The following CDH13 variants were observed in gnomAD, a reference collection of about 807,000 sequenced individuals.
CDH13 encodes cadherin-13.
A neutral mutation model predicts 63.8 loss-of-function variants in CDH13; 24 were observed. The ratio of observed to expected loss-of-function variants is 0.38; its 90% CI spans 0.27 to 0.53. The LOEUF (loss-of-function observed/expected upper bound fraction) is 0.53. Ranked by LOEUF, CDH13 falls within the 20% of genes least tolerant of loss-of-function variation. The pLI is 0.85. For missense variants in CDH13, 1,049 were observed against 903.1 expected (o/e 1.16, Z -2.07); for synonymous variants, 503 against 355.3 (o/e 1.42, Z -4.67).
chr16:82,928,097 A>G (rs948881373), intron 2 of CDH13, among the ~76,000 whole-genome samples: 4 of 152,148 alleles, frequency 2.6e-5, no homozygotes, highest in Admixed American at 2.0e-4. Context: ...TTTCAGAACT[A>G]TGATCATACC....
intron 1 of CDH13, among the ~76,000 whole-genome samples, chr16:82,664,283 G>C (rs1029279504): frequency 6.6e-6 from 1 of 152,226 alleles, no homozygotes; most frequent in Non-Finnish European, 1.5e-5. Context: ...GGAGTAGGAG[G>C]GTTGTTGGAA....
At chr16:83,542,705 G>A (rs1020398349) in intron 7 of CDH13, among the ~76,000 whole-genome samples, 1 of 152,162 alleles carries the variant, frequency 6.6e-6, no homozygotes, top group African/African-American at 2.4e-5. Context: ...TTGGCTTGCA[G>A]AAGCATCCAC....
chr16:83,624,845 C>T (rs1910139006), intron 8 of CDH13, among the ~76,000 whole-genome samples: 1 of 152,156 alleles, frequency 6.6e-6, no homozygotes, highest in Non-Finnish European at 1.5e-5. Flanking sequence ...AGCTACATTT[C>T]CCATCTACTC....
intron 1 of CDH13, among the ~76,000 whole-genome samples, chr16:82,698,215 C>G (rs894004815): frequency 6.6e-6 from 1 of 152,182 alleles, no homozygotes; most frequent in Non-Finnish European, 1.5e-5. Context: ...TATCTCTAGT[C>G]TCTTTAGTGT....
intron 4 of CDH13, among the ~76,000 whole-genome samples, chr16:83,176,556 C>G (rs139803329): frequency 6.9e-6 from 1 of 145,974 alleles, no homozygotes; most frequent in African/African-American, 2.5e-5. Flanking sequence ...TTAATCTGTT[C>G]TATAGGTGTT....
intron 5 of CDH13, among the ~76,000 whole-genome samples, chr16:83,300,307 G>C: frequency 6.6e-6 from 1 of 152,226 alleles, no homozygotes; most frequent in East Asian, 1.9e-4. Flanking sequence ...TTTAAGTTGA[G>C]TGACATGAAG....
At chr16:82,927,510 A>G (rs118011600) in intron 2 of CDH13, among the ~76,000 whole-genome samples, 1,980 of 152,294 alleles carry the variant, frequency 0.013, 30 homozygotes, top group Non-Finnish European at 0.02. Context: ...GACCCAAAAC[A>G]GATGTTAAAT....
At chr16:82,849,880 A>T (rs2151149857) in intron 1 of CDH13, among the ~76,000 whole-genome samples, 1 of 152,348 alleles carries the variant, frequency 6.6e-6, no homozygotes, top group Non-Finnish European at 1.5e-5. Flanking sequence ...TTACAACATG[A>T]TTTATTCAAT....
At chr16:83,658,277 A>C (rs368092126) in intron 8 of CDH13, among the ~76,000 whole-genome samples, 2 of 128,948 alleles carry the variant, frequency 1.6e-5, no homozygotes, top group East Asian at 5.1e-4. Flanking sequence ...CCGTATCCTC[A>C]CCAGCAAGGT....
chr16:83,145,666 C>T (rs939401378), intron 4 of CDH13, among the ~76,000 whole-genome samples: 7 of 152,176 alleles, frequency 4.6e-5, no homozygotes, highest in Non-Finnish European at 7.3e-5. Context: ...TTATTCCAGA[C>T]CTCTGATTCA....
At chr16:83,294,310 T>C (rs2089536815) in intron 5 of CDH13, among the ~76,000 whole-genome samples, 1 of 152,178 alleles carries the variant, frequency 6.6e-6, no homozygotes, top group Non-Finnish European at 1.5e-5. Flanking sequence ...AGTTGCCATA[T>C]TGGACAATAG....
At chr16:83,515,455 T>G (rs1406334390) in intron 7 of CDH13, among the ~76,000 whole-genome samples, 3 of 152,216 alleles carry the variant, frequency 2.0e-5, no homozygotes, top group Admixed American at 6.5e-5. Flanking sequence ...GTTCAGTCTT[T>G]TCCGTGACAC....
At chr16:83,512,370 A>AAAT (rs1479307322) in intron 7 of CDH13, among the ~76,000 whole-genome samples, 3 of 133,252 alleles carry the variant, frequency 2.3e-5, no homozygotes, top group African/African-American at 5.7e-5. Context: ...ATAAATAAAT[A>AAAT]AAATAAAAAT....
intron 1 of CDH13, among the ~76,000 whole-genome samples, chr16:82,700,539 G>C (rs938367408): frequency 3.2e-4 from 48 of 151,940 alleles, no homozygotes; most frequent in Non-Finnish European, 5.5e-4. Flanking sequence ...GTGTGTGTGT[G>C]TGTGTGTCTG....
intron 7 of CDH13, among the ~76,000 whole-genome samples, chr16:83,496,748 C>T (rs987547582): frequency 6.9e-4 from 105 of 152,106 alleles, no homozygotes; most frequent in Admixed American, 2.5e-3. Context: ...GGAAAATTTT[C>T]GCAACATACT....
At chr16:83,111,070 G>A (rs1044008970) in intron 3 of CDH13, among the ~76,000 whole-genome samples, 21 of 150,896 alleles carry the variant, frequency 1.4e-4, no homozygotes, top group African/African-American at 5.1e-4. Context: ...TACTCGGGAG[G>A]CTGAGGCAGG....
Position 83,217,427 on chromosome 16 carries a change from G to C in CDH13, c.566G>C (p.Arg189Thr). 1.9e-6 allele frequency: 3 copies of C among 1,613,938 alleles called. No individual in the cohort carries two copies. Among genetic ancestry groups the C allele is most frequent in the Non-Finnish European group, 2.5e-6 (3 of 1,179,850 alleles). The change falls in exon 5 of 14, where the codon AGA becomes ACA. Residue 189 changes from arginine to threonine, a missense_variant. Physicochemically the swap from Arg to Thr is moderately conservative, Grantham distance 71. Coordinates refer to ENST00000567109, the MANE Select transcript of CDH13 (RefSeq NM_001257.5). ...GATCAAGAGCCTAAAGGAATTTTCAGAATCAATGAGAACACAGGGAGCGTC... is the reference window on the plus strand; with the variant it reads ...GATCAAGAGCCTAAAGGAATTTTCACAATCAATGAGAACACAGGGAGCGTC... ...GVDQEPKGIFRINENTGSVSV... is the reference protein window; with the variant it reads ...GVDQEPKGIFTINENTGSVSV...
At position 82,803,587 on chromosome 16, in the gene CDH13, G is replaced by C. The variant is rs2036982292; in HGVS notation, c.46-54775G>C. Among the ~76,000 whole-genome samples the C allele has an allele frequency of 5.3e-5, 8 of 152,274 alleles. 1 individual carries two copies. The South Asian group carries it at 1.7e-3, about 32-fold the overall frequency. ...AAGTCGTTTAGGTGTGCTATAGGAT[G>C]AAAAGAAGAATAATGAAACTGTGGT... On this transcript the variant is annotated intron_variant, in intron 1 of 13. Transcript: ENST00000567109.
chr16:83,301,025 GTTTTTTT>G (rs3052591), intron 5 of CDH13, among the ~76,000 whole-genome samples: 4 of 78,780 alleles, frequency 5.1e-5, no homozygotes, highest in South Asian at 1.1e-3. Context: ...ACTTTCTGGG[GTTTTTTT>G]TTTTTTTTTT....
Sources: allele counts gnomAD v4.1 joint callset (sites outside exome capture counted in the v4.1 genomes callset), GRCh38; gene constraint gnomAD v4.1.1; transcripts MANE v1.5; gene names NCBI Gene and HGNC (gene_info 2026-07-23, HGNC 2026-07-21).